The following DAB2IP variants were observed in gnomAD, a reference collection of about 807,000 sequenced individuals.
The protein encoded by DAB2IP is disabled homolog 2-interacting protein.
DAB2IP carries 28 observed loss-of-function variants against 107.2 expected under a neutral mutation model. The ratio of observed to expected loss-of-function variants is 0.26; its 90% CI spans 0.19 to 0.36. DAB2IP has a LOEUF of 0.36. DAB2IP is among the 10% of genes least tolerant of loss of function. The pLI is 1.00. For synonymous variants in DAB2IP, 755 were observed against 706.4 expected (o/e 1.07, Z -1.09); for missense variants, 1,400 against 1,644.7 (o/e 0.85, Z 2.57).
In DAB2IP at chr9:121,651,763, GGCGGGCGGCAGCATGTCC is replaced by G. The variant is rs1457036580; in HGVS notation, c.1_18del (p.MetSerAlaGlyGlySer1_?6). On this transcript the variant is annotated start_lost and 5_prime_UTR_variant, in exon 1 of 16. Coordinates refer to ENST00000408936, the Ensembl canonical transcript of DAB2IP. This position sits in a 1 kb window ranked among gnomAD's most constrained non-coding sequence, Gnocchi z 5.1. ...CGCGCCCAGGCCCGGCCCGGTGCCC[GGCGGGCGGCAGCATGTCC>G]GCGGGCGGCAGCGCCAGGAAGAGCA... is the stretch of plus-strand genomic sequence containing the variant. 1.0e-5 allele frequency: 14 copies of G among 1,338,018 alleles called. No individual in the cohort carries two copies. In the Admixed American group the frequency reaches 1.8e-4, roughly 17 times the overall value. 82.9% of individuals were successfully genotyped at this position (1,338,018 alleles called of 1,614,324 possible).
intron 3 of DAB2IP, among the ~76,000 whole-genome samples, chr9:121,704,101 C>A (rs1192411821): frequency 6.6e-6 from 1 of 151,940 alleles, no homozygotes; most frequent in East Asian, 2.0e-4. Flanking sequence ...TCTAGGTTTT[C>A]TTTATTAAAA....
intron 3 of DAB2IP, among the ~76,000 whole-genome samples, chr9:121,746,719 A>C (rs1832747410): frequency 2.0e-5 from 3 of 152,224 alleles, no homozygotes; most frequent in Admixed American, 2.0e-4. Flanking sequence ...GGGAGGAATT[A>C]GATAAGCCAG....
chr9:121,769,072 C>T (rs138053121), intron 10 of DAB2IP, among the ~76,000 whole-genome samples: 41 of 152,344 alleles, frequency 2.7e-4, no homozygotes, highest in African/African-American at 9.4e-4. Flanking sequence ...ACACCTCTGA[C>T]ACTGCTGCAG....
At position 121,615,487 on chromosome 9, in the gene DAB2IP, A is replaced by T. The variant is rs77285247; in HGVS notation, c.40+48259A>T. ...AAACCAAAGCCCAGAGAACTCAGTGACTAGCCTCAGGTAAATCCCAGTGTC... is the reference window on the plus strand; with the variant it reads ...AAACCAAAGCCCAGAGAACTCAGTGTCTAGCCTCAGGTAAATCCCAGTGTC... On this transcript the variant is annotated intron_variant, in intron 1 of 16. Transcript: ENST00000259371. Among the ~76,000 whole-genome samples, 45 of 152,306 alleles carry T rather than the reference A, an allele frequency of 3.0e-4. No homozygotes were observed. The East Asian group carries it at 7.7e-3, about 26-fold the overall frequency.
At chr9:121,755,783 G>C (rs1450649554) in intron 3 of DAB2IP, among the ~76,000 whole-genome samples, 2 of 152,194 alleles carry the variant, frequency 1.3e-5, no homozygotes, top group Non-Finnish European at 2.9e-5. Context: ...GCAGAAATGA[G>C]TGTACAGGGT....
chr9:121,578,370 C>T (rs1021868078), intron 1 of DAB2IP, among the ~76,000 whole-genome samples: 1 of 151,918 alleles, frequency 6.6e-6, no homozygotes. Context: ...CTCTTCCCTC[C>T]TCTCCCCCTA....
intron 1 of DAB2IP, among the ~76,000 whole-genome samples, chr9:121,653,222 TAAGCCTTTAGTACTCCTTGGAGGGAGTAC>T (rs1832829113): frequency 2.5e-5 from 3 of 121,050 alleles, no homozygotes; most frequent in African/African-American, 8.8e-5. Context: ...GAGGGAGTAC[TAAGCCTTTAGTACTCCTTGGAGGGAGTAC>T]TAAGCCTTTA....
exon 8 of DAB2IP, chr9:121,763,805 T>G: frequency 1.2e-6 from 2 of 1,614,146 alleles, no homozygotes; most frequent in Non-Finnish European, 1.7e-6. Context: ...GCTCGGCCGC[T>G]GACCTCCCAG....
At chr9:121,640,133 C>T (rs1314307731) in intron 1 of DAB2IP, among the ~76,000 whole-genome samples, 3 of 152,152 alleles carry the variant, frequency 2.0e-5, no homozygotes, top group African/African-American at 7.2e-5. Context: ...CTGTGCATCG[C>T]CCCAGGAGCC....
chr9:121,642,012 T>TCC (rs1832345458), intron 1 of DAB2IP, among the ~76,000 whole-genome samples: 1 of 26,352 alleles, frequency 3.8e-5, no homozygotes, highest in African/African-American at 1.7e-4. Context: ...TCTCTCTCTC[T>TCC]CTCTCTCTCT....
Position 121,772,977 on chromosome 9 carries a change from C to T in DAB2IP, c.2449C>T (p.Pro817Ser). 3.1e-6 allele frequency: 5 copies of T among 1,602,304 alleles called. No homozygotes were observed. Among genetic ancestry groups the T allele is most frequent in the Non-Finnish European group, 4.3e-6 (5 of 1,174,954 alleles). The stretch of plus-strand genomic sequence containing the variant: ...CACACCAGGCACCTCCGAGGGCGCG[C>T]CAGGCCGGCCCCAGCTGTTGGCACC... Residue 817 changes from proline to serine, a missense_variant, in exon 12 of 16, where the codon CCA (proline) becomes TCA (serine). Pro to Ser is a moderately conservative substitution (Grantham distance 74, BLOSUM62 -1). This residue lies in a region of DAB2IP where 600 missense variants were observed against 659.1 expected (regional missense o/e 0.91). Coordinates refer to ENST00000408936, the Ensembl canonical transcript of DAB2IP. The surrounding 1 kb of genome is among the most constrained non-coding windows in gnomAD (Gnocchi z 4.7).
intron 1 of DAB2IP, among the ~76,000 whole-genome samples, chr9:121,676,028 AGAC>A (rs1283527733): frequency 1.3e-5 from 2 of 152,244 alleles, no homozygotes; most frequent in African/African-American, 4.8e-5. Flanking sequence ...GGGCCTTAAG[AGAC>A]GGCGCCAGGC....
chr9:121,752,720 G>A (rs528824653), intron 3 of DAB2IP, among the ~76,000 whole-genome samples: 1 of 152,346 alleles, frequency 6.6e-6, no homozygotes, highest in African/African-American at 2.4e-5. Flanking sequence ...GGCTCAGAGT[G>A]CCAAGTTCTG....
At chr9:121,603,609 T>C (rs1208599165) in intron 1 of DAB2IP, among the ~76,000 whole-genome samples, 1 of 152,178 alleles carries the variant, frequency 6.6e-6, no homozygotes, top group Non-Finnish European at 1.5e-5. Context: ...CTCACTATTT[T>C]TCTGCCCTAT....
rs78789576 is a variant in DAB2IP, at chr9:121,599,028, G to C, written c.40+31800G>C. ...TGCCTTCCCTGTGACACCCCGCACT[G>C]TCCCCTTCCCAAGCTCTAGTTCCCC... On this transcript the variant is annotated intron_variant, in intron 1 of 16. Transcript: ENST00000259371. This position sits in a 1 kb window ranked among gnomAD's most constrained non-coding sequence, Gnocchi z 6.9. 0.02 allele frequency among the ~76,000 whole-genome samples: 3,061 copies of C among 152,260 alleles called. 77 individuals carry two copies. The highest frequency in any genetic ancestry group is 0.052 in the African/African-American group (2,178 of 41,556).
intron 1 of DAB2IP, among the ~76,000 whole-genome samples, chr9:121,569,870 G>A (rs758973804): frequency 3.3e-5 from 5 of 152,182 alleles, no homozygotes; most frequent in Non-Finnish European, 7.4e-5. Flanking sequence ...GGTCACTGCA[G>A]CCTTGAACTC....
At chr9:121,613,232 CTG>C (rs1199273509) in intron 1 of DAB2IP, among the ~76,000 whole-genome samples, 1 of 152,186 alleles carries the variant, frequency 6.6e-6, no homozygotes, top group Non-Finnish European at 1.5e-5. Context: ...GAAGTAGTGT[CTG>C]TAATTATAAA....
chr9:121,604,087 A>G (rs1830785003), intron 1 of DAB2IP, among the ~76,000 whole-genome samples: 1 of 151,014 alleles, frequency 6.6e-6, no homozygotes, highest in Admixed American at 6.6e-5. Context: ...CAAGAAGGTG[A>G]TGGTGGGAAT....
rs535100152 is a variant in DAB2IP at position 121,632,552 on chromosome 9, T to C, written c.41-46126T>C. 2.6e-5 allele frequency among the ~76,000 whole-genome samples: 4 copies of C among 152,134 alleles called. No homozygotes were observed. In the South Asian group the frequency reaches 8.3e-4, roughly 32 times the overall value. ...CACCCCCTCCCCTGCCCTCACCTCCTCTGCCCAGCTTTCCCTTAGCAAGGC... is the reference window on the plus strand; with the variant it reads ...CACCCCCTCCCCTGCCCTCACCTCCCCTGCCCAGCTTTCCCTTAGCAAGGC... On this transcript the variant is annotated intron_variant, in intron 1 of 16. Transcript: ENST00000259371.
Sources: allele counts gnomAD v4.1 joint callset (sites outside exome capture counted in the v4.1 genomes callset), GRCh38; gene constraint gnomAD v4.1.1; regional missense constraint gnomAD v4.1.1; non-coding constraint Gnocchi (gnomAD v3.1); transcripts MANE v1.5; gene names NCBI Gene and HGNC (gene_info 2026-07-23, HGNC 2026-07-21).